The following PCNX3 variants were observed in gnomAD, a reference collection of about 807,000 sequenced individuals.
PCNX3 encodes pecanex-like protein 3.
Under a neutral mutation model 207.2 loss-of-function variants are expected in PCNX3, and 58 were observed. That is an observed-to-expected ratio of 0.28 (90% CI 0.23 to 0.35). The LOEUF (loss-of-function observed/expected upper bound fraction) is 0.35. Ranked by LOEUF, PCNX3 falls within the 10% of genes least tolerant of loss-of-function variation. The pLI is 1.00. For synonymous variants in PCNX3, 1,337 were observed against 1,183.5 expected, an observed-to-expected ratio of 1.13 and a Z score of -2.66; for missense variants, 2,410 against 2,774.4, an observed-to-expected ratio of 0.87 and a Z score of 2.95.
At position 65,622,234 on chromosome 11, in the gene PCNX3, A is replaced by G; in HGVS notation, c.2236-11A>G. 1 of 1,600,978 alleles carries G rather than the reference A, an allele frequency of 6.2e-7. No homozygotes were observed. The highest frequency in any genetic ancestry group is 8.5e-7 in the Non-Finnish European group (1 of 1,174,508). On this transcript the variant is annotated splice_polypyrimidine_tract_variant and intron_variant, in intron 10 of 34. Transcript: ENST00000355703. ...GACCTGCTGGACCAGGACTCCCTGCACGAATCCCAGGAGCAGACACTGATG... is the reference window on the plus strand; with the variant it reads ...GACCTGCTGGACCAGGACTCCCTGCGCGAATCCCAGGAGCAGACACTGATG...
At position 65,635,390 on chromosome 11, in the gene PCNX3, C is replaced by T. The variant is rs1855789201; in HGVS notation, c.5126C>T (p.Ser1709Phe). 6.2e-7 allele frequency: 1 copy of T among 1,612,422 alleles called. No individual in the cohort carries two copies. The highest frequency in any genetic ancestry group is 1.7e-5 in the Admixed American group (1 of 59,906). ...LALRHVLDDA[S>F]DEYKIIMLNR... ...CTGCGCCATGTCCTGGATGATGCCT[C>T]CGACGAGTACAAGATCATCATGCTC... Residue 1709 changes from serine (S) to phenylalanine (F), a missense_variant, in exon 31 of 35, where the codon TCC becomes TTC. Physicochemically the swap from Ser to Phe is radical, Grantham distance 155. Transcript: ENST00000355703. This position sits in a 1 kb window ranked among gnomAD's most constrained non-coding sequence, Gnocchi z 9.9.
At position 65,619,171 on chromosome 11, in the gene PCNX3, C is replaced by G. The variant is rs79467943; in HGVS notation, c.1705+104C>G. The G allele has an allele frequency of 1.9e-5, 18 of 970,556 alleles. No homozygotes were observed. The East Asian group carries it at 4.4e-4, about 24-fold the overall frequency. The allele number at this position is 970,556 out of a possible 1,614,324, so 60.1% of individuals were successfully genotyped here. A position where few individuals can be genotyped will look rare whatever the true frequency, so the allele number is the denominator to read the frequency against. ...GACCTGGTCAGTGTCAGCTCAGCCT[C>G]GGTTGTAGGCAGCAGATGGACGTGG... On this transcript the variant is annotated intron_variant, in intron 6 of 34. Coordinates refer to ENST00000355703, the MANE Select transcript of PCNX3 (RefSeq NM_032223.4).
chr11:65,627,020 G>T lies in PCNX3; in HGVS notation c.3496G>T (p.Val1166Phe). The T allele has an allele frequency of 6.5e-7, 1 of 1,532,602 alleles. No homozygotes were observed. The highest frequency in any genetic ancestry group is 8.8e-7 in the Non-Finnish European group (1 of 1,137,704). The allele number at this position is 1,532,602 out of a possible 1,614,324, so 94.9% of individuals were successfully genotyped here. The stretch of plus-strand genomic sequence containing the variant: ...CCTCACGGTGGACGCCCACACAGTC[G>T]TCAGCCACCCGGACAAGTACTGCTT... ...NALTVDAHTVVSHPDKYCFYC... is the reference protein window; with the variant it reads ...NALTVDAHTVFSHPDKYCFYC... Residue 1166 changes from valine to phenylalanine, a missense_variant, in exon 21 of 35, where the codon GTC becomes TTC. By Grantham distance (50) the Val-to-Phe change is conservative (BLOSUM62 -1). Around this residue, in one of 8 missense-constraint regions of PCNX3, gnomAD observed 333 missense variants for 386.8 expected, o/e 0.86. Coordinates refer to ENST00000355703, the MANE Select transcript of PCNX3 (RefSeq NM_032223.4).
chr11:65,616,964 G>T lies in PCNX3; in HGVS notation c.294G>T (p.Met98Ile). The change falls in exon 2 of 35, where the codon ATG (methionine) becomes ATT (isoleucine). Residue 98 changes from methionine (M) to isoleucine (I), a missense_variant. Met to Ile is a conservative substitution (Grantham distance 10, BLOSUM62 1). Coordinates refer to ENST00000355703, the MANE Select transcript of PCNX3 (RefSeq NM_032223.4). ...TCGTGGAGAAGCGCAGCTCTACCATGGGGGAGCTGGAGGAAGAGCCTGCCC... is the reference window on the plus strand; with the variant it reads ...TCGTGGAGAAGCGCAGCTCTACCATTGGGGAGCTGGAGGAAGAGCCTGCCC... ...GEIVEKRSST[M>I]GELEEEPAQG... The T allele has an allele frequency of 1.9e-6, 3 of 1,613,084 alleles. No individual in the cohort carries two copies. The highest frequency in any genetic ancestry group is 2.5e-6 in the Non-Finnish European group (3 of 1,179,772).
rs1007686171 is a variant in PCNX3, at chr11:65,616,908, C to T, written c.238C>T (p.Arg80Trp). The T allele has an allele frequency of 1.9e-6, 3 of 1,613,602 alleles. No individual in the cohort carries two copies. The highest frequency in any genetic ancestry group is 2.5e-6 in the Non-Finnish European group (3 of 1,179,856). The change falls in exon 2 of 35, where the codon CGG becomes TGG. Residue 80 changes from arginine (R) to tryptophan (W), a missense_variant. Physicochemically the swap from Arg to Trp is moderately radical, Grantham distance 101. Transcript: ENST00000355703. ...IFATIKTVNY[R>W]LHAMFDQGEI... ...TGCTACTATCAAGACTGTCAATTAT[C>T]GGCTTCATGCCATGTTTGACCAGGG...
Position 65,617,500 on chromosome 11 carries a change from C to T in PCNX3, c.472C>T (p.Pro158Ser), listed in dbSNP as rs1185975462. 1 of 1,613,922 alleles carries T rather than the reference C, an allele frequency of 6.2e-7. No individual in the cohort carries two copies. The highest frequency in any genetic ancestry group is 1.1e-5 in the South Asian group (1 of 91,070). The change falls in exon 4 of 35, where the codon CCC (proline) becomes TCC (serine). Residue 158 changes from proline (P) to serine (S), a missense_variant. Physicochemically the swap from Pro to Ser is moderately conservative, Grantham distance 74 (BLOSUM62 -1). Coordinates refer to ENST00000355703, the MANE Select transcript of PCNX3 (RefSeq NM_032223.4). ...GCTGCCCCGAATGGAGGACTCTGGG[C>T]CCCTTAGAGGTAGGTGGCTGCTCTT... Reference protein sequence around the residue: ...ELLPRMEDSGPLRDIKELVRE... With the variant: ...ELLPRMEDSGSLRDIKELVRE...
rs1230822704 is a variant in PCNX3 at position 65,637,363 on chromosome 11, C to CT, written c.*393dup. 3.5e-5 allele frequency: 7 copies of CT among 198,310 alleles called. No homozygotes were observed. The highest frequency in any genetic ancestry group is 1.6e-4 in the South Asian group (1 of 6,374). 12.3% of individuals were successfully genotyped at this position (198,310 alleles called of 1,614,324 possible). A position where few individuals can be genotyped will look rare whatever the true frequency, so the allele number is the denominator to read the frequency against. ...GTGGGAAGGGTGGTTTCTTTCTTTCCTTTTTTTTCTTTTCTTTTTTTTTTT... is the reference window on the plus strand; with the variant it reads ...GTGGGAAGGGTGGTTTCTTTCTTTCCTTTTTTTTTCTTTTCTTTTTTTTTTT... On this transcript the variant is annotated 3_prime_UTR_variant, in exon 35 of 35. Coordinates refer to ENST00000355703, the MANE Select transcript of PCNX3 (RefSeq NM_032223.4).
intron 10 of PCNX3, among the ~76,000 whole-genome samples, chr11:65,621,760 G>T (rs1375094752): frequency 1.3e-5 from 2 of 152,244 alleles, no homozygotes; most frequent in Non-Finnish European, 2.9e-5. Context: ...CAAATGAGAG[G>T]TCAAGTCATG....
intron 27 of PCNX3, among the ~76,000 whole-genome samples, chr11:65,632,919 A>G (rs1157902564): frequency 6.6e-6 from 1 of 151,072 alleles, no homozygotes; most frequent in East Asian, 2.0e-4. Context: ...TAATTTTTGT[A>G]TTTTTTGTAG....
Position 65,630,459 on chromosome 11 carries a change from A to G in PCNX3, c.4325A>G (p.Asn1442Ser), listed in dbSNP as rs376100973. 3.1e-6 allele frequency: 5 copies of G among 1,613,512 alleles called. No individual in the cohort carries two copies. The highest frequency in any genetic ancestry group is 2.2e-5 in the East Asian group (1 of 44,892). Residue 1442 changes from asparagine (N) to serine (S), a missense_variant, in exon 27 of 35, where the codon AAT (asparagine) becomes AGT (serine). Physicochemically the swap from Asn to Ser is conservative, Grantham distance 46 (BLOSUM62 1). Around this residue, in one of 8 missense-constraint regions of PCNX3, gnomAD observed 420 missense variants for 705.3 expected, o/e 0.60. Transcript: ENST00000355703. ...PGHLPRVLSFNAAFGQRWLAW... is the reference protein window; with the variant it reads ...PGHLPRVLSFSAAFGQRWLAW... ...CACCTGCCACGGGTCCTGTCCTTCA[A>G]TGCTGCCTTTGGGCAGCGCTGGCTG...
chr11:65,622,731 G>A (rs981791260), intron 11 of PCNX3, among the ~76,000 whole-genome samples: 1 of 151,878 alleles, frequency 6.6e-6, no homozygotes, highest in Admixed American at 6.6e-5. Flanking sequence ...GAGTAGCTGG[G>A]ACTACAGGTG....
chr11:65,620,298 T>A, intron 8 of PCNX3, 41 bp from the exon 9 acceptor site: 1 of 1,580,842 alleles, frequency 6.3e-7, no homozygotes, highest in Non-Finnish European at 8.6e-7. Context: ...TTGGTGCTTC[T>A]GTCTCTGCCA....
chr11:65,627,062 C>T lies in PCNX3; in HGVS notation c.3524+14C>T, dbSNP rs1855430391. 2 of 1,477,990 alleles carry T rather than the reference C, an allele frequency of 1.4e-6. No homozygotes were observed. The highest frequency in any genetic ancestry group is 1.8e-6 in the Non-Finnish European group (2 of 1,111,998). 91.6% of individuals were successfully genotyped at this position (1,477,990 alleles called of 1,614,324 possible). Reference sequence around the variant, plus strand: ...GTACTGCTTCTAGTGAGGACCACCCCACCCTCAACGATCCCATCATCCGCT... The same window carrying T: ...GTACTGCTTCTAGTGAGGACCACCCTACCCTCAACGATCCCATCATCCGCT... On this transcript the variant is annotated intron_variant, in intron 21 of 34. Transcript: ENST00000355703.
intron 29 of PCNX3, 87 bp downstream of exon 29, chr11:65,634,728 C>T (rs1412030394): frequency 1.5e-5 from 20 of 1,331,418 alleles, no homozygotes; most frequent in Non-Finnish European, 1.8e-5. Flanking sequence ...GCCACAGTGG[C>T]CACAGAAACT....
chr11:65,622,595 G>A (rs1307563046), intron 11 of PCNX3, among the ~76,000 whole-genome samples: 1 of 151,946 alleles, frequency 6.6e-6, no homozygotes, highest in Non-Finnish European at 1.5e-5. Flanking sequence ...CCAAAGTCCT[G>A]CTGAAAAAAA....
intron 20 of PCNX3, 139 bp downstream of exon 20, chr11:65,626,193 G>A (rs1413832420): frequency 1.7e-6 from 2 of 1,210,866 alleles, no homozygotes; most frequent in South Asian, 2.6e-5. Flanking sequence ...CTCCCTCCCT[G>A]CCCTCTGTGT....
intron 21 of PCNX3, 107 bp from the exon 22 acceptor site, chr11:65,627,298 G>GC (rs1855442450): frequency 7.8e-7 from 1 of 1,285,964 alleles, no homozygotes; most frequent in African/African-American, 1.5e-5. Context: ...GCCCAGCAGA[G>GC]CAGAGGCCAG....
At position 65,636,709 on chromosome 11, in the gene PCNX3, G is replaced by C; in HGVS notation, c.5892+20G>C. On this transcript the variant is annotated intron_variant, in intron 34 of 34. Transcript: ENST00000355703. ...TCTCAGGTAAGGCACCTGTGGGAGGGTTGGGTCCCAGAAGGCTAAGGCCTG... is the reference window on the plus strand; with the variant it reads ...TCTCAGGTAAGGCACCTGTGGGAGGCTTGGGTCCCAGAAGGCTAAGGCCTG... The C allele has an allele frequency of 6.4e-7, 1 of 1,563,276 alleles. No individual in the cohort carries two copies. Among genetic ancestry groups the C allele is most frequent in the Non-Finnish European group, 8.7e-7 (1 of 1,155,734 alleles).
rs74601391 is a variant in PCNX3 at position 65,624,448 on chromosome 11, C to T, written c.2717-23C>T. On this transcript the variant is annotated intron_variant, in intron 14 of 34. Transcript: ENST00000355703. ...GCGGAAAGCCAGCAGGCTGACCAGG[C>T]CTTCGTGTCCCCTCCCTGCCAGTGT... The T allele has an allele frequency of 6.9e-3, 10,789 of 1,569,074 alleles. 548 individuals are homozygous for T. The African/African-American group carries it at 0.12, about 17-fold the overall frequency.
Sources: allele counts gnomAD v4.1 joint callset (sites outside exome capture counted in the v4.1 genomes callset), GRCh38; gene constraint gnomAD v4.1.1; regional missense constraint gnomAD v4.1.1; non-coding constraint Gnocchi (gnomAD v3.1); transcripts MANE v1.5; gene names NCBI Gene and HGNC (gene_info 2026-07-23, HGNC 2026-07-21).